Variants in SORCS1 observed in about 807,000 individuals in gnomAD.
The protein encoded by SORCS1 is VPS10 domain-containing receptor SorCS1.
A neutral mutation model predicts 146.1 loss-of-function variants in SORCS1; 60 were observed. The observed-to-expected ratio is 0.41, with a 90% CI of 0.33 to 0.51. The LOEUF is 0.51. Ranked by LOEUF, SORCS1 falls within the 20% of genes least tolerant of loss-of-function variation. SORCS1 has a pLI of 0.21. For missense variants in SORCS1, 1,352 were observed against 1,487.6 expected (o/e 0.91, Z 1.50); for synonymous variants, 637 against 584.0 (o/e 1.09, Z -1.31).
chr10:106,898,497 T>C (rs369278372), intron 2 of SORCS1, among the ~76,000 whole-genome samples: 50 of 152,274 alleles, frequency 3.3e-4, no homozygotes, highest in African/African-American at 8.9e-4. Flanking sequence ...ATTTCAACCA[T>C]TCCGAAATGA....
At chr10:106,630,979 G>A (rs1468543950) in intron 18 of SORCS1, among the ~76,000 whole-genome samples, 3 of 152,090 alleles carry the variant, frequency 2.0e-5, no homozygotes, top group Non-Finnish European at 2.9e-5. Flanking sequence ...TGTTGTTGTT[G>A]TTAGCCTTTC....
chr10:107,000,480 G>T (rs550020732), intron 1 of SORCS1, among the ~76,000 whole-genome samples: 10 of 151,756 alleles, frequency 6.6e-5, no homozygotes, highest in African/African-American at 2.4e-4. Flanking sequence ...GGTGGCACGC[G>T]CCTGTAGTCC....
At chr10:107,143,858 T>C (rs1333630790) in intron 1 of SORCS1, among the ~76,000 whole-genome samples, 1 of 151,974 alleles carries the variant, frequency 6.6e-6, no homozygotes, top group Non-Finnish European at 1.5e-5. Context: ...CCCAGGCTGC[T>C]GGTCTCAAGC....
chr10:106,728,039 CT>C (rs35537769), intron 6 of SORCS1, among the ~76,000 whole-genome samples: 2,247 of 149,018 alleles, frequency 0.015, 49 homozygotes, highest in African/African-American at 0.049. Flanking sequence ...GTAAGCAAGA[CT>C]TTTTTTTTTT....
intron 2 of SORCS1, among the ~76,000 whole-genome samples, chr10:106,905,797 A>C (rs1951884545): frequency 6.6e-6 from 1 of 152,240 alleles, no homozygotes; most frequent in Admixed American, 6.5e-5. Context: ...TGTATATCAG[A>C]ATGATAAATG....
intron 1 of SORCS1, among the ~76,000 whole-genome samples, chr10:106,994,086 A>G (rs7095264): frequency 0.27 from 36,814 of 135,026 alleles, 5,390 homozygotes; most frequent in Middle Eastern, 0.35. Context: ...AAAAAAAAAA[A>G]AGAAAATGAG....
intron 18 of SORCS1, among the ~76,000 whole-genome samples, chr10:106,644,147 T>C (rs1282505471): frequency 6.6e-6 from 1 of 152,142 alleles, no homozygotes; most frequent in Non-Finnish European, 1.5e-5. Context: ...TTATATGGAT[T>C]TCTGAAATGA....
At chr10:106,788,570 C>A (rs1344349526) in intron 3 of SORCS1, among the ~76,000 whole-genome samples, 2 of 152,218 alleles carry the variant, frequency 1.3e-5, no homozygotes, top group Non-Finnish European at 2.9e-5. Flanking sequence ...AGTCTGAAAT[C>A]CAGCGGGGCA....
intron 2 of SORCS1, among the ~76,000 whole-genome samples, chr10:106,865,627 A>G (rs559946309): frequency 1.5e-4 from 23 of 152,128 alleles, no homozygotes; most frequent in Admixed American, 9.8e-4. Context: ...CAGGAGACTG[A>G]GGCAGGAGAA....
intron 3 of SORCS1, among the ~76,000 whole-genome samples, chr10:106,778,171 C>A (rs945698984): frequency 2.0e-5 from 3 of 152,020 alleles, no homozygotes; most frequent in Non-Finnish European, 4.4e-5. Context: ...GACACTCTGC[C>A]CAAACTCTGT....
chr10:106,624,384 G>A (rs993336924), intron 19 of SORCS1, among the ~76,000 whole-genome samples: 3 of 95,320 alleles, frequency 3.1e-5, no homozygotes, highest in South Asian at 3.4e-4. Flanking sequence ...TTTTTGAGAC[G>A]GAGTTTCGCT....
intron 19 of SORCS1, among the ~76,000 whole-genome samples, chr10:106,623,001 A>G (rs1025551671): frequency 2.6e-5 from 4 of 152,100 alleles, no homozygotes; most frequent in African/African-American, 7.2e-5. Context: ...CCATTTCCCT[A>G]TCAAATGGTT....
At chr10:106,918,112 T>C (rs1373389453) in intron 2 of SORCS1, among the ~76,000 whole-genome samples, 2 of 152,190 alleles carry the variant, frequency 1.3e-5, no homozygotes, top group Non-Finnish European at 2.9e-5. Context: ...GCACCTGTTT[T>C]ACTGAAGTGC....
At chr10:106,962,166 G>T (rs529756540) in intron 1 of SORCS1, among the ~76,000 whole-genome samples, 10 of 152,088 alleles carry the variant, frequency 6.6e-5, no homozygotes, top group African/African-American at 2.4e-4. Context: ...TTGGGAGGCC[G>T]AGGCAGGAGG....
chr10:106,926,879 AG>A (rs776300452), intron 2 of SORCS1, among the ~76,000 whole-genome samples: 42,619 of 140,740 alleles, frequency 0.3, 6,791 homozygotes, highest in East Asian at 0.39. Context: ...AGAGAGAGAG[AG>A]AGAGAGAGAG....
intron 1 of SORCS1, among the ~76,000 whole-genome samples, chr10:107,087,536 T>C (rs1176450975): frequency 6.6e-6 from 1 of 152,260 alleles, no homozygotes; most frequent in Non-Finnish European, 1.5e-5. Flanking sequence ...AATAATACCA[T>C]ATCTTGAGTC....
intron 3 of SORCS1, among the ~76,000 whole-genome samples, chr10:106,804,830 A>G: frequency 6.6e-6 from 1 of 152,158 alleles, no homozygotes; most frequent in East Asian, 1.9e-4. Context: ...TCCCAAAAAG[A>G]ATATCATTGT....
chr10:106,654,833 A>C (rs1850155417), intron 17 of SORCS1, among the ~76,000 whole-genome samples: 1 of 152,188 alleles, frequency 6.6e-6, no homozygotes, highest in East Asian at 1.9e-4. Flanking sequence ...TGCCTAAGCA[A>C]TTTGAACATC....
chr10:106,818,080 C>T lies in SORCS1; in HGVS notation c.726+11494G>A, dbSNP rs1260341982. On this transcript the variant is annotated intron_variant, in intron 3 of 25. Transcript: ENST00000263054. Reference sequence around the variant, plus strand: ...TGTTTCTTTTATATTCACCTTTATGCTTGCAGAGAACAAGGCACAAGCCAG... The same window carrying T: ...TGTTTCTTTTATATTCACCTTTATGTTTGCAGAGAACAAGGCACAAGCCAG... Among the ~76,000 whole-genome samples, 6 of 152,170 alleles carry T rather than the reference C, an allele frequency of 3.9e-5. No homozygotes were observed. In the East Asian group the frequency reaches 5.8e-4, roughly 15 times the overall value.
Sources: gnomAD v4.1 joint callset for allele counts (sites outside exome capture counted in the v4.1 genomes callset) on GRCh38, gnomAD v4.1.1 for gene constraint, MANE v1.5 for transcripts, NCBI Gene and HGNC (gene_info 2026-07-23, HGNC 2026-07-21) for gene names.